NR3C1: variants seen among roughly 807,000 people sequenced by gnomAD.
The protein encoded by NR3C1 is glucocorticoid receptor.
NR3C1 carries 14 observed loss-of-function variants against 74.0 expected under a neutral mutation model. That is an observed-to-expected ratio of 0.19 (90% CI 0.12 to 0.30). The LOEUF (loss-of-function observed/expected upper bound fraction) is 0.30. Among genes scored for constraint, NR3C1 ranks in the 10% least tolerant of loss-of-function variants. The pLI, the probability that NR3C1 is intolerant of heterozygous loss-of-function variation, is 1.00. For missense variants in NR3C1, 695 were observed against 909.8 expected (o/e 0.76, Z 3.04); for synonymous variants, 308 against 332.5 (o/e 0.93, Z 0.80).
At chr5:143,309,508 TA>T in intron 4 of NR3C1, among the ~76,000 whole-genome samples, 1 of 152,100 alleles carries the variant, frequency 6.6e-6, no homozygotes, top group East Asian at 1.9e-4. Context: ...TATCTTCACA[TA>T]AAAACTAGAC....
At chr5:143,314,468 G>A (rs541015934) in intron 2 of NR3C1, among the ~76,000 whole-genome samples, 7 of 137,080 alleles carry the variant, frequency 5.1e-5, no homozygotes, top group Non-Finnish European at 7.8e-5. Context: ...TTATAATCAC[G>A]TTTATTAAGG....
chr5:143,281,527 C>G lies in NR3C1; in HGVS notation c.*362G>C. ...AGTCTAGAAAATTTCATCCAGCCAA[C>G]TGTGAAAAAAAGTATGAAGAGAAAG... On this transcript the variant is annotated 3_prime_UTR_variant, in exon 9 of 9. Coordinates refer to ENST00000394464, the MANE Select transcript of NR3C1 (RefSeq NM_000176.3). 1 of 243,730 alleles carries G rather than the reference C, an allele frequency of 4.1e-6. No individual in the cohort carries two copies. The highest frequency in any genetic ancestry group is 8.1e-6 in the Non-Finnish European group (1 of 123,416). The allele number at this position is 243,730 out of a possible 1,614,324, so 15.1% of individuals were successfully genotyped here.
intron 1 of NR3C1, 99 bp from the exon 2 acceptor site, chr5:143,400,951 C>A: frequency 2.3e-6 from 2 of 884,300 alleles, no homozygotes; most frequent in Non-Finnish European, 3.6e-6. Context: ...GTTAAATGAA[C>A]CTTTTAGTTA....
chr5:143,412,283 GA>G (rs1166268691), intron 1 of NR3C1, among the ~76,000 whole-genome samples: 3 of 124,644 alleles, frequency 2.4e-5, no homozygotes, highest in African/African-American at 8.8e-5. Context: ...GGGGGGAGGG[GA>G]AGCCCCAAAT....
chr5:143,322,117 G>T (rs956025866), intron 2 of NR3C1, among the ~76,000 whole-genome samples: 4 of 152,298 alleles, frequency 2.6e-5, no homozygotes, highest in Middle Eastern at 3.4e-3. Context: ...TATTATGCAA[G>T]CTCTTTCTTT....
intron 2 of NR3C1, among the ~76,000 whole-genome samples, chr5:143,376,385 G>A (rs1006840361): frequency 8.5e-5 from 13 of 152,298 alleles, no homozygotes; most frequent in East Asian, 1.9e-4. Flanking sequence ...TTTACTTCTT[G>A]CACATGATTC....
At chr5:143,364,689 T>G (rs1287295350) in intron 2 of NR3C1, among the ~76,000 whole-genome samples, 1 of 152,158 alleles carries the variant, frequency 6.6e-6, no homozygotes, top group Non-Finnish European at 1.5e-5. Flanking sequence ...GAGTTGATAT[T>G]AATCTAAATT....
At chr5:143,397,536 G>C (rs952490959) in intron 2 of NR3C1, among the ~76,000 whole-genome samples, 5 of 151,906 alleles carry the variant, frequency 3.3e-5, no homozygotes, top group African/African-American at 1.2e-4. Context: ...GGTAATCATA[G>C]TTCCCAGTGC....
chr5:143,309,299 T>C (rs1344370334), intron 4 of NR3C1, among the ~76,000 whole-genome samples: 1 of 152,138 alleles, frequency 6.6e-6, no homozygotes, highest in African/African-American at 2.4e-5. Context: ...TCTTGATCTC[T>C]TGACCTCGTG....
At position 143,307,185 on chromosome 5, in the gene NR3C1, C is replaced by T. The variant is rs1021869140; in HGVS notation, c.1468+2912G>A. On this transcript the variant is annotated intron_variant, in intron 4 of 8. Coordinates refer to ENST00000394464, the MANE Select transcript of NR3C1 (RefSeq NM_000176.3). ...TGCTGGGATTACAGGCATGAGCCAC[C>T]GCGCCCAACCGTATGCTTAAATTTT... Among the ~76,000 whole-genome samples the T allele has an allele frequency of 4.6e-5, 7 of 152,112 alleles. No individual in the cohort carries two copies. The East Asian group carries it at 5.8e-4, about 13-fold the overall frequency.
At chr5:143,375,293 T>C (rs1365061282) in intron 2 of NR3C1, among the ~76,000 whole-genome samples, 1 of 152,144 alleles carries the variant, frequency 6.6e-6, no homozygotes, top group Non-Finnish European at 1.5e-5. Context: ...TTTCCTAAGA[T>C]TTAAACCTAA....
At chr5:143,357,303 T>A (rs1831321323) in intron 2 of NR3C1, among the ~76,000 whole-genome samples, 3 of 152,236 alleles carry the variant, frequency 2.0e-5, no homozygotes, top group African/African-American at 7.2e-5. Flanking sequence ...GATAAATTTC[T>A]AGCTTCCACT....
intron 2 of NR3C1, among the ~76,000 whole-genome samples, chr5:143,363,921 A>G (rs1832731389): frequency 6.6e-6 from 1 of 152,210 alleles, no homozygotes; most frequent in South Asian, 2.1e-4. Context: ...GACACCACCA[A>G]ACAAAGCAAC....
intron 2 of NR3C1, among the ~76,000 whole-genome samples, chr5:143,397,418 G>C (rs931050389): frequency 2.0e-5 from 3 of 151,780 alleles, no homozygotes; most frequent in African/African-American, 7.3e-5. Flanking sequence ...AGAAGAGAAA[G>C]CAACTAATTT....
intron 7 of NR3C1, among the ~76,000 whole-genome samples, chr5:143,291,476 A>G (rs1228020173): frequency 6.6e-6 from 1 of 152,024 alleles, no homozygotes; most frequent in Non-Finnish European, 1.5e-5. Context: ...TGCCTGCCTC[A>G]GCCTCCCAAA....
At chr5:143,321,285 TAA>T (rs1369802137) in intron 2 of NR3C1, among the ~76,000 whole-genome samples, 3 of 152,196 alleles carry the variant, frequency 2.0e-5, no homozygotes, top group African/African-American at 7.2e-5. Flanking sequence ...ATTCGATTCT[TAA>T]AGAGAGATTT....
upstream of NR3C1, chr5:143,403,775 A>C (rs2151950098): frequency 1.0e-6 from 1 of 981,654 alleles, no homozygotes; most frequent in Middle Eastern, 5.2e-4. Context: ...GCCGCGGGGA[A>C]CGATGCAACC....
At chr5:143,394,537 C>T (rs376519253) in intron 2 of NR3C1, among the ~76,000 whole-genome samples, 6 of 151,724 alleles carry the variant, frequency 4.0e-5, no homozygotes, top group South Asian at 4.2e-4. Flanking sequence ...GACATTAGGT[C>T]GACTACATTC....
Position 143,280,659 on chromosome 5 carries a change from C to A in NR3C1, c.*1230G>T, listed in dbSNP as rs1404386861. 6.6e-6 allele frequency: 1 copy of A among 152,474 alleles called. No homozygotes were observed. The highest frequency in any genetic ancestry group is 1.5e-5 in the Non-Finnish European group (1 of 68,016). 9.4% of individuals were successfully genotyped at this position (152,474 alleles called of 1,614,324 possible). A position where few individuals can be genotyped will look rare whatever the true frequency, so the allele number is the denominator to read the frequency against. On this transcript the variant is annotated 3_prime_UTR_variant, in exon 9 of 9. Coordinates refer to ENST00000394464, the MANE Select transcript of NR3C1 (RefSeq NM_000176.3). ...ATGTCTGACATACAGTTCTAAATCA[C>A]AAAAATCAGTAGCTGAGCTTTCCTG... is the stretch of plus-strand genomic sequence containing the variant.
Sources: allele counts gnomAD v4.1 joint callset (sites outside exome capture counted in the v4.1 genomes callset), GRCh38; gene constraint gnomAD v4.1.1; transcripts MANE v1.5; gene names NCBI Gene and HGNC (gene_info 2026-07-23, HGNC 2026-07-21).